PDE2A: variants seen among roughly 807,000 people sequenced by gnomAD.
PDE2A encodes the protein phosphodiesterase 2A, also known as cGMP-dependent 3',5'-cyclic phosphodiesterase.
In PDE2A, 53 loss-of-function variants were observed where a neutral mutation model predicts 133.6. The observed-to-expected ratio is 0.40, with a 90% CI of 0.32 to 0.50. The LOEUF (loss-of-function observed/expected upper bound fraction) is 0.50. Among genes scored for constraint, PDE2A ranks in the 20% least tolerant of loss-of-function variants. The pLI is 0.73. For synonymous variants in PDE2A, 491 were observed against 490.2 expected, an observed-to-expected ratio of 1.00 and a Z score of -0.02; for missense variants, 796 against 1,232.4, an observed-to-expected ratio of 0.65 and a Z score of 5.30.
Position 72,578,861 on chromosome 11 carries a change from G to A in PDE2A, c.2469+36C>T. ...GGGGCACCCAAAGCTGGGCAGGGTGGGCAGCCTGTGCCTTCCCAGGGAGGA... is the reference window on the plus strand; with the variant it reads ...GGGGCACCCAAAGCTGGGCAGGGTGAGCAGCCTGTGCCTTCCCAGGGAGGA... On this transcript the variant is annotated intron_variant, in intron 28 of 30. Coordinates refer to ENST00000334456, the MANE Select transcript of PDE2A (RefSeq NM_002599.5). This position sits in a 1 kb window ranked among gnomAD's most constrained non-coding sequence, Gnocchi z 4.2. 7.4e-7 allele frequency: 1 copy of A among 1,344,312 alleles called. No individual in the cohort carries two copies. Among genetic ancestry groups the A allele is most frequent in the Non-Finnish European group, 1.1e-6 (1 of 935,854 alleles). 83.3% of individuals were successfully genotyped at this position (1,344,312 alleles called of 1,614,324 possible).
chr11:72,597,766 C>A lies in PDE2A; in HGVS notation c.324-147G>T. 1 of 598,112 alleles carries A rather than the reference C, an allele frequency of 1.7e-6. No individual in the cohort carries two copies. Among genetic ancestry groups the A allele is most frequent in the Non-Finnish European group, 3.0e-6 (1 of 335,718 alleles). The allele number at this position is 598,112 out of a possible 1,614,324, so 37.1% of individuals were successfully genotyped here. ...CCTCAGGTTGGACACGATGACAGCACAAGTAAAAAAGTAGGGGACCCTGGA... is the reference window on the plus strand; with the variant it reads ...CCTCAGGTTGGACACGATGACAGCAAAAGTAAAAAAGTAGGGGACCCTGGA... On this transcript the variant is annotated intron_variant, in intron 4 of 30. Coordinates refer to ENST00000334456, the MANE Select transcript of PDE2A (RefSeq NM_002599.5). The surrounding 1 kb of genome is among the most constrained non-coding windows in gnomAD (Gnocchi z 4.6).
chr11:72,622,631 G>A (rs1487548839), intron 2 of PDE2A, among the ~76,000 whole-genome samples: 1 of 152,176 alleles, frequency 6.6e-6, no homozygotes, highest in African/African-American at 2.4e-5. Context: ...ATTACTTGAG[G>A]TATCTAGAGT....
intron 1 of PDE2A, among the ~76,000 whole-genome samples, chr11:72,643,836 G>A (rs559520903): frequency 4.6e-5 from 7 of 152,118 alleles, no homozygotes; most frequent in South Asian, 2.1e-4. Context: ...CCATGCCAGC[G>A]TTTCTCCCAC....
intron 1 of PDE2A, 200 bp from the exon 2 acceptor site, chr11:72,642,526 TC>T: frequency 2.7e-6 from 1 of 367,178 alleles, no homozygotes; most frequent in Non-Finnish European, 3.4e-6. Context: ...CCCGCCTATG[TC>T]CCCGCCACCG....
chr11:72,671,774 A>G (rs1339699941), intron 1 of PDE2A, among the ~76,000 whole-genome samples: 1 of 152,188 alleles, frequency 6.6e-6, no homozygotes, highest in Non-Finnish European at 1.5e-5. Flanking sequence ...GCCAAAGGGT[A>G]GTGATGAAGC....
intron 1 of PDE2A, among the ~76,000 whole-genome samples, chr11:72,668,607 A>C (rs1855304702): frequency 6.6e-6 from 1 of 152,248 alleles, no homozygotes; most frequent in Non-Finnish European, 1.5e-5. Flanking sequence ...CCTTGGCAGC[A>C]GGGTGTGGAT....
chr11:72,578,185 C>G lies in PDE2A; in HGVS notation c.2615+48G>C. 1 of 1,215,940 alleles carries G rather than the reference C, an allele frequency of 8.2e-7. No homozygotes were observed. The highest frequency in any genetic ancestry group is 1.7e-5 in the Admixed American group (1 of 59,520). 75.3% of individuals were successfully genotyped at this position (1,215,940 alleles called of 1,614,324 possible). On this transcript the variant is annotated intron_variant, in intron 30 of 30. Transcript: ENST00000334456. This position sits in a 1 kb window ranked among gnomAD's most constrained non-coding sequence, Gnocchi z 4.2. ...GTTTCCTGTGATGTCCCCACTCCAG[C>G]CTACCCTCTCTGTGCAGGGTGCAGC...
chr11:72,599,864 T>G (rs1393955681), intron 4 of PDE2A, among the ~76,000 whole-genome samples: 1 of 151,962 alleles, frequency 6.6e-6, no homozygotes, highest in East Asian at 1.9e-4. Flanking sequence ...AGTCGGGAGA[T>G]GAGAGCTCTG....
Position 72,671,922 on chromosome 11 carries a change from C to A in PDE2A, c.71+2215G>T, listed in dbSNP as rs1279407557. Among the ~76,000 whole-genome samples, 5 of 152,120 alleles carry A rather than the reference C, an allele frequency of 3.3e-5. No individual in the cohort carries two copies. The South Asian group carries it at 8.3e-4, about 25-fold the overall frequency. On this transcript the variant is annotated intron_variant, in intron 1 of 30. Transcript: ENST00000334456. ...CAGCTTTCCTGAGCCTTCCATGAGC[C>A]TTTTCCCTCATGAGATCCTGACTTA... is the stretch of plus-strand genomic sequence containing the variant.
intron 2 of PDE2A, among the ~76,000 whole-genome samples, chr11:72,619,874 T>C (rs1857666960): frequency 1.3e-5 from 2 of 152,070 alleles, no homozygotes; most frequent in Admixed American, 6.5e-5. Context: ...CAGTTCCTCA[T>C]CCGTAAAATG....
At chr11:72,663,231 A>G (rs1855124426) in intron 1 of PDE2A, among the ~76,000 whole-genome samples, 1 of 152,174 alleles carries the variant, frequency 6.6e-6, no homozygotes, top group African/African-American at 2.4e-5. Flanking sequence ...AGGGCACACC[A>G]GGGCACCCTC....
intron 5 of PDE2A, 151 bp from the exon 6 acceptor site, chr11:72,596,799 G>C (rs1402520438): frequency 7.1e-6 from 3 of 423,990 alleles, no homozygotes; most frequent in African/African-American, 2.0e-5. Context: ...AAACACAGAG[G>C]CGGGTCCTGA....
intron 2 of PDE2A, chr11:72,621,909 T>C (rs1263093132): frequency 6.6e-6 from 1 of 152,198 alleles, no homozygotes; most frequent in East Asian, 1.9e-4. Context: ...AAGCAACCTA[T>C]GAAATGGGAG....
rs1855546617 is a variant in PDE2A at position 72,578,096 on chromosome 11, A to C, written c.2615+137T>G. 1.5e-6 allele frequency: 1 copy of C among 673,926 alleles called. No individual in the cohort carries two copies. The highest frequency in any genetic ancestry group is 2.7e-6 in the Non-Finnish European group (1 of 371,692). The allele number at this position is 673,926 out of a possible 1,614,324, so 41.7% of individuals were successfully genotyped here. On this transcript the variant is annotated intron_variant, in intron 30 of 30. Transcript: ENST00000334456. This position sits in a 1 kb window ranked among gnomAD's most constrained non-coding sequence, Gnocchi z 4.2. ...CCCACTGAGGGGCACAGCGGGAGAC[A>C]GTTATGCCCAGAGGCAAGGGGATGA...
At chr11:72,579,463 T>G in intron 26 of PDE2A, 71 bp downstream of exon 26, 2 of 1,559,188 alleles carry the variant, frequency 1.3e-6, no homozygotes, top group Non-Finnish European at 1.8e-6. Flanking sequence ...CTCCACTCCT[T>G]GGCTCCTTAT....
chr11:72,584,383 G>C (rs529686941), intron 18 of PDE2A, 70 bp from the exon 19 acceptor site: 6 of 1,271,716 alleles, frequency 4.7e-6, no homozygotes, highest in Non-Finnish European at 6.8e-6. Context: ...GATCCGGCCG[G>C]GACCTGCCCT....
At chr11:72,634,285 G>A (rs1858573579) in intron 2 of PDE2A, among the ~76,000 whole-genome samples, 1 of 152,160 alleles carries the variant, frequency 6.6e-6, no homozygotes, top group South Asian at 2.1e-4. Context: ...AGGACTGGGG[G>A]CAGCTGTCAC....
chr11:72,584,742 GAT>G lies in PDE2A; in HGVS notation c.1360-16_1360-15del. On this transcript the variant is annotated splice_polypyrimidine_tract_variant and intron_variant, in intron 17 of 30. Transcript: ENST00000334456. ...GATCTCATAGCTCTGCCGGAGCAGA[GAT>G]GGAGTCGAGAGGAAGAAGTTAGTGA... is the stretch of plus-strand genomic sequence containing the variant. 2 of 1,612,814 alleles carry G rather than the reference GAT, an allele frequency of 1.2e-6. No homozygotes were observed. The highest frequency in any genetic ancestry group is 1.7e-6 in the Non-Finnish European group (2 of 1,179,690).
rs948356538 is a variant in PDE2A, at chr11:72,576,366, C to G, written c.*1018G>C. On this transcript the variant is annotated 3_prime_UTR_variant, in exon 31 of 31. Coordinates refer to ENST00000334456, the MANE Select transcript of PDE2A (RefSeq NM_002599.5). ...CAAGAGTCCCGGCCCTATGGGGTCTCCCAAGCCCCAGGGCACAGGTGGATA... is the reference window on the plus strand; with the variant it reads ...CAAGAGTCCCGGCCCTATGGGGTCTGCCAAGCCCCAGGGCACAGGTGGATA... 14 of 152,258 alleles carry G rather than the reference C, an allele frequency of 9.2e-5. No individual in the cohort carries two copies. Among genetic ancestry groups the G allele is most frequent in the Admixed American group, 6.5e-4 (10 of 15,288 alleles). 9.4% of individuals were successfully genotyped at this position (152,258 alleles called of 1,614,324 possible).
Sources: allele counts gnomAD v4.1 joint callset (sites outside exome capture counted in the v4.1 genomes callset), GRCh38; gene constraint gnomAD v4.1.1; non-coding constraint Gnocchi (gnomAD v3.1); transcripts MANE v1.5; gene names NCBI Gene and HGNC (gene_info 2026-07-23, HGNC 2026-07-21).